Variants in NACA observed in about 807,000 individuals in gnomAD.
The protein encoded by NACA is nascent polypeptide-associated complex subunit alpha.
Under a neutral mutation model 86.4 loss-of-function variants are expected in NACA, and 42 were observed. The ratio of observed to expected loss-of-function variants is 0.49; its 90% CI spans 0.38 to 0.63. The LOEUF is 0.63. Ranked by LOEUF, NACA falls within the 20% of genes least tolerant of loss-of-function variation. The probability of loss-of-function intolerance (pLI) is 0.00; values close to 1 mark genes in which losing one functional copy is unlikely to be tolerated. For synonymous variants in NACA, 898 were observed against 973.7 expected (o/e 0.92, Z 1.45); for missense variants, 2,157 against 2,483.6 (o/e 0.87, Z 2.80).
chr12:56,719,107 GGTCT>G lies in NACA; in HGVS notation c.2419_2422del (p.Arg807LeufsTer63). 1 of 1,453,540 alleles carries G rather than the reference GGTCT, an allele frequency of 6.9e-7. No individual in the cohort carries two copies. The highest frequency in any genetic ancestry group is 9.3e-7 in the Non-Finnish European group (1 of 1,075,660). The allele number at this position is 1,453,540 out of a possible 1,614,324, so 90.0% of individuals were successfully genotyped here. A position where few individuals can be genotyped will look rare whatever the true frequency, so the allele number is the denominator to read the frequency against. On this transcript the variant is annotated frameshift_variant, in exon 3 of 9. Transcript: ENST00000454682. LOFTEE classifies it high-confidence loss of function. ...GCCAGCAGAACCCTTCTTGGTTGGA[GGTCT>G]TTTAGTCTGAGGAGACACACTAACC... is the stretch of plus-strand genomic sequence containing the variant.
intron 5 of NACA, 117 bp downstream of exon 5, chr12:56,714,245 A>C: frequency 7.9e-6 from 8 of 1,009,418 alleles, no homozygotes; most frequent in East Asian, 2.5e-5. Context: ...AATCACCACT[A>C]GAGAACTTAC....
At chr12:56,714,718 T>C (rs1012010881) in intron 3 of NACA, 31 bp from the exon 4 acceptor site, 15 of 1,595,392 alleles carry the variant, frequency 9.4e-6, no homozygotes, top group Non-Finnish European at 9.5e-6. Flanking sequence ...TACTGCTTTA[T>C]AGTAGAAATT....
At chr12:56,723,059 C>CA (rs1953616882) in intron 2 of NACA, among the ~76,000 whole-genome samples, 1 of 152,168 alleles carries the variant, frequency 6.6e-6, no homozygotes, top group Admixed American at 6.6e-5. Context: ...CGCTACCAAA[C>CA]ATAATGAATC....
rs1565901595 is a variant in NACA at position 56,725,263 on chromosome 12, T to TG, written c.-4dup. On this transcript the variant is annotated splice_region_variant and 5_prime_UTR_variant, in exon 1 of 9. Transcript: ENST00000454682. ...CAGTAGCGGCACAGAAAGTACTTACTGTGCAGGGAACGCGGAACCAAGATG... is the reference window on the plus strand; with the variant it reads ...CAGTAGCGGCACAGAAAGTACTTACTGGTGCAGGGAACGCGGAACCAAGATG... The TG allele has an allele frequency of 6.5e-6, 1 of 153,124 alleles. No individual in the cohort carries two copies. 9.5% of individuals were successfully genotyped at this position (153,124 alleles called of 1,614,324 possible). A position where few individuals can be genotyped will look rare whatever the true frequency, so the allele number is the denominator to read the frequency against.
At position 56,719,855 on chromosome 12, in the gene NACA, C is replaced by T. The variant is rs2137824524; in HGVS notation, c.1675G>A (p.Val559Ile). ...GGGGCTGCCTGGACTAACGGTAATA[C>T]AGTAGGGTCTTTCTTGGTGGTGAGT... is the stretch of plus-strand genomic sequence containing the variant. ...AGLTTKKDPT[V>I]LPLVQAAPKN... Residue 559 changes from valine (V) to isoleucine (I), a missense_variant, in exon 3 of 9, where the codon GTA becomes ATA. Val to Ile is a conservative substitution (Grantham distance 29, BLOSUM62 3). Transcript: ENST00000454682. 1 of 1,613,748 alleles carries T rather than the reference C, an allele frequency of 6.2e-7. No homozygotes were observed. The highest frequency in any genetic ancestry group is 1.7e-5 in the Admixed American group (1 of 59,994).
Position 56,716,742 on chromosome 12 carries a change from G to A in NACA, c.4788C>T (p.Pro1596=). The change falls in exon 3 of 9, where the codon CCC becomes CCT. Residue 1596 remains proline, a synonymous_variant. Coordinates refer to ENST00000454682, the MANE Select transcript of NACA (RefSeq NM_001365896.1). ...TPSTYKGAPS[P]KELLIPPAVT... ...CAGCTGGTGGAATGAGGAGCTCTTTGGGGGATGGGGCCCCTTTGTAAGTGG... is the reference window on the plus strand; with the variant it reads ...CAGCTGGTGGAATGAGGAGCTCTTTAGGGGATGGGGCCCCTTTGTAAGTGG... The A allele has an allele frequency of 7.2e-7, 1 of 1,388,538 alleles. No homozygotes were observed. The highest frequency in any genetic ancestry group is 9.5e-7 in the Non-Finnish European group (1 of 1,047,774). The allele number at this position is 1,388,538 out of a possible 1,614,324, so 86.0% of individuals were successfully genotyped here.
At chr12:56,713,270 G>A in intron 6 of NACA, 80 bp from the exon 7 acceptor site, 1 of 1,515,398 alleles carries the variant, frequency 6.6e-7, no homozygotes, top group Non-Finnish European at 9.0e-7. Flanking sequence ...ACAACTCTCT[G>A]TAAACCCATT....
chr12:56,717,601 G>A lies in NACA; in HGVS notation c.3929C>T (p.Pro1310Leu), dbSNP rs748406951. ...GPATSPPKGA[P>L]TPPAATPPSP... ...GGGAGGAGTTGCAGCTGGAGGAGTG[G>A]GGGCCCCTTTGGGGGGTGAGGTAGC... The change falls in exon 3 of 9, where the codon CCC becomes CTC. Residue 1310 changes from proline to leucine, a missense_variant. Pro to Leu is a moderately conservative substitution (Grantham distance 98). This residue lies in a region of NACA where 797 missense variants were observed against 777.6 expected (regional missense o/e 1.02). Coordinates refer to ENST00000454682, the MANE Select transcript of NACA (RefSeq NM_001365896.1). 3.9e-6 allele frequency: 5 copies of A among 1,272,764 alleles called. No individual in the cohort carries two copies. 78.8% of individuals were successfully genotyped at this position (1,272,764 alleles called of 1,614,324 possible). A position where few individuals can be genotyped will look rare whatever the true frequency, so the allele number is the denominator to read the frequency against.
chr12:56,724,638 G>A, intron 1 of NACA, 115 bp from the exon 2 acceptor site: 1 of 1,165,792 alleles, frequency 8.6e-7, no homozygotes, highest in South Asian at 1.5e-5. Context: ...AAAATCGTGA[G>A]GGTGTTTGGT....
rs1953382897 is a variant in NACA at position 56,716,820 on chromosome 12, G to GGCT, written c.4707_4709dup (p.Ala1570dup). The stretch of plus-strand genomic sequence containing the variant: ...CCTCTTTGGAGGATGGGGTAGCTGG[G>GGCT]GCTTCTTTGGGGGTTGGAATTGCTG... On this transcript the variant is annotated inframe_insertion, in exon 3 of 9. Transcript: ENST00000454682. 2 of 1,325,896 alleles carry GGCT rather than the reference G, an allele frequency of 1.5e-6. No homozygotes were observed. The highest frequency in any genetic ancestry group is 2.0e-6 in the Non-Finnish European group (2 of 1,016,654). The allele number at this position is 1,325,896 out of a possible 1,614,324, so 82.1% of individuals were successfully genotyped here.
At position 56,714,371 on chromosome 12, in the gene NACA, C is replaced by T. The variant is rs763364058; in HGVS notation, c.5814G>A (p.Lys1938=). The T allele has an allele frequency of 1.2e-6, 2 of 1,614,150 alleles. No homozygotes were observed. The highest frequency in any genetic ancestry group is 3.3e-5 in the Admixed American group (2 of 60,014). Residue 1938 remains lysine, a synonymous_variant, in exon 5 of 9, where the codon AAG becomes AAA. Coordinates refer to ENST00000454682, the MANE Select transcript of NACA (RefSeq NM_001365896.1). ...SKAKQSRSEK[K]ARKAMSKLGL... ...CCTTTTCAAATCTTACCTTCCGTGC[C>T]TTCTTTTCACTCCGACTCTGTTTTG...
chr12:56,724,363 TAA>T, intron 2 of NACA, 87 bp downstream of exon 2: 2 of 1,355,320 alleles, frequency 1.5e-6, no homozygotes, highest in Non-Finnish European at 2.0e-6. Flanking sequence ...CCCATCCTCC[TAA>T]AAAGTGTATT....
chr12:56,715,662 T>C (rs1285919541), intron 3 of NACA, among the ~76,000 whole-genome samples: 1 of 152,116 alleles, frequency 6.6e-6, no homozygotes, highest in Non-Finnish European at 1.5e-5. Flanking sequence ...CACAATGTAC[T>C]ATGTATCTAT....
In NACA at chr12:56,717,188, C is replaced by T. The variant is rs766646895; in HGVS notation, c.4342G>A (p.Ala1448Thr). The T allele has an allele frequency of 1.7e-5, 21 of 1,244,358 alleles. No homozygotes were observed. The highest frequency in any genetic ancestry group is 2.1e-5 in the Non-Finnish European group (20 of 972,052). 77.1% of individuals were successfully genotyped at this position (1,244,358 alleles called of 1,614,324 possible). The part of the protein sequence containing the change: ...VTPVSLKKAP[A>T]TSAPKGGPAT... ...GGGCCTCCTTTGGGGGCTGAAGTTG[C>T]TGGGGCCTTTTTGAGGGAGACAGGA... Residue 1448 changes from alanine to threonine, a missense_variant, in exon 3 of 9, where the codon GCA becomes ACA. Transcript: ENST00000454682.
In NACA at chr12:56,719,476, G is replaced by A; in HGVS notation, c.2054C>T (p.Pro685Leu). ...PFLEGTVSLA[P>L]KNHPVKEGTL... Reference sequence around the variant, plus strand: ...ACCTTCCTTAACTGGGTGGTTTTTAGGAGCTAAAGAGACAGTTCCTTCTAG... The same window carrying A: ...ACCTTCCTTAACTGGGTGGTTTTTAAGAGCTAAAGAGACAGTTCCTTCTAG... Residue 685 changes from proline to leucine, a missense_variant, in exon 3 of 9, where the codon CCT becomes CTT. Pro to Leu is a moderately conservative substitution (Grantham distance 98, BLOSUM62 -3). Around this residue, in one of 8 missense-constraint regions of NACA, gnomAD observed 947 missense variants for 917.9 expected, o/e 1.03. Transcript: ENST00000454682. 1 of 1,613,850 alleles carries A rather than the reference G, an allele frequency of 6.2e-7. No homozygotes were observed.
At position 56,717,109 on chromosome 12, in the gene NACA, G is replaced by A. The variant is rs1212536921; in HGVS notation, c.4421C>T (p.Ser1474Phe). The A allele has an allele frequency of 3.9e-6, 5 of 1,271,900 alleles. No individual in the cohort carries two copies. Among genetic ancestry groups the A allele is most frequent in the South Asian group, 1.7e-5 (1 of 59,232 alleles). 78.8% of individuals were successfully genotyped at this position (1,271,900 alleles called of 1,614,324 possible). Residue 1474 changes from serine (S) to phenylalanine (F), a missense_variant, in exon 3 of 9, where the codon TCC becomes TTC. Physicochemically the swap from Ser to Phe is radical, Grantham distance 155 (BLOSUM62 -2). Transcript: ENST00000454682. ...DPTLPAVTPPSPKEPPAPKQV... is the reference protein window; with the variant it reads ...DPTLPAVTPPFPKEPPAPKQV... ...TTTGGGGGCTGGGGGCTCCTTGGGG[G>A]AAGGAGGAGTCACTGCTGGGAGGGT...
chr12:56,713,943 G>T, intron 5 of NACA: 1 of 437,748 alleles, frequency 2.3e-6, no homozygotes, highest in Non-Finnish European at 4.1e-6. Flanking sequence ...CCAGGTTCAA[G>T]CAATTGCCGT....
chr12:56,716,754 C>A lies in NACA; in HGVS notation c.4776G>T (p.Gly1592=). 2 of 1,377,168 alleles carry A rather than the reference C, an allele frequency of 1.5e-6. No homozygotes were observed. The highest frequency in any genetic ancestry group is 1.9e-6 in the Non-Finnish European group (2 of 1,043,340). The allele number at this position is 1,377,168 out of a possible 1,614,324, so 85.3% of individuals were successfully genotyped here. The change falls in exon 3 of 9, where the codon GGG becomes GGT. Residue 1592 remains glycine (G), a synonymous_variant. Transcript: ENST00000454682. ...TGAGGAGCTCTTTGGGGGATGGGGC[C>A]CCTTTGTAAGTGGAAGGAGTCACTG... The part of the protein sequence containing the change: ...PPAVTPSTYK[G]APSPKELLIP...
chr12:56,714,413 TTCA>T lies in NACA; in HGVS notation c.5769_5771del (p.Asp1923del). On this transcript the variant is annotated inframe_deletion, in exon 5 of 9. Transcript: ENST00000454682. Reference sequence around the variant, plus strand: ...TCTGTTTTGCTTTACTGACTGGTTCTTCATCAATTTCAGCTGCTGCCGCCAGCT... The same window carrying T: ...TCTGTTTTGCTTTACTGACTGGTTCTTCAATTTCAGCTGCTGCCGCCAGCT... 1 of 1,614,228 alleles carries T rather than the reference TTCA, an allele frequency of 6.2e-7. No homozygotes were observed. The highest frequency in any genetic ancestry group is 8.5e-7 in the Non-Finnish European group (1 of 1,180,042).
Sources: gnomAD v4.1 joint callset for allele counts (sites outside exome capture counted in the v4.1 genomes callset) on GRCh38, gnomAD v4.1.1 for gene constraint, gnomAD v4.1.1 regional missense constraint, MANE v1.5 for transcripts, NCBI Gene and HGNC (gene_info 2026-07-23, HGNC 2026-07-21) for gene names.